Variants in TMEM63A observed in about 807,000 individuals in gnomAD.
TMEM63A encodes the protein mechanosensitive cation channel TMEM63A.
TMEM63A carries 76 observed loss-of-function variants against 100.6 expected under a neutral mutation model. The observed-to-expected ratio is 0.76, with a 90% CI of 0.63 to 0.91. TMEM63A has a LOEUF of 0.91. TMEM63A is among the 40% of genes least tolerant of loss of function. The probability of loss-of-function intolerance (pLI) is 0.00; values close to 1 mark genes in which losing one functional copy is unlikely to be tolerated. For missense variants in TMEM63A, 876 were observed against 1,008.8 expected, an observed-to-expected ratio of 0.87 and a Z score of 1.78; for synonymous variants, 401 against 401.1, an observed-to-expected ratio of 1.00 and a Z score of 0.00.
At chr1:225,859,649 GT>G (rs57486744) in intron 14 of TMEM63A, 9,134 of 264,874 alleles carry the variant, frequency 0.034, no homozygotes, top group South Asian at 0.061. Context: ...TTCTTTTTCT[GT>G]TTTTTTTTTT....
chr1:225,847,205 C>T lies in TMEM63A; in HGVS notation c.2259G>A (p.Val753=), dbSNP rs114637669. Residue 753 remains valine, a synonymous_variant, in exon 24 of 25, where the codon GTG becomes GTA. Coordinates refer to ENST00000366835, the MANE Select transcript of TMEM63A (RefSeq NM_014698.3). ...AHMPPPFTPY[V]PRILNGLASE... ...AGGCCAAGCCGTTCAGAATCCGAGG[C>T]ACGTAGGGCTGTCAGCAAATGGATT... 6.2e-7 allele frequency: 1 copy of T among 1,612,928 alleles called. No individual in the cohort carries two copies. The highest frequency in any genetic ancestry group is 1.3e-5 in the African/African-American group (1 of 75,064).
At chr1:225,842,597 C>T (rs1477472725), downstream of TMEM63A, 1 of 799,906 alleles carries the variant, frequency 1.3e-6, no homozygotes, top group African/African-American at 1.7e-5. Context: ...TGTTGGCTTT[C>T]TTACAAATCC....
downstream of TMEM63A, chr1:225,844,428 T>G: frequency 6.2e-7 from 1 of 1,613,226 alleles, no homozygotes; most frequent in Non-Finnish European, 8.5e-7. Flanking sequence ...TTTGTAGGAC[T>G]TTCTGGCTGC....
intron 17 of TMEM63A, 91 bp downstream of exon 17, chr1:225,856,561 C>T: frequency 7.3e-7 from 1 of 1,363,692 alleles, no homozygotes; most frequent in Non-Finnish European, 1.0e-6. Context: ...AGGTTTGCTT[C>T]TGCTGCCAAA....
chr1:225,871,169 A>T, intron 5 of TMEM63A, 56 bp from the exon 6 acceptor site: 2 of 1,567,966 alleles, frequency 1.3e-6, no homozygotes, highest in Non-Finnish European at 1.8e-6. Flanking sequence ...TGAGAGGCAG[A>T]TGTAACCATT....
At chr1:225,860,470 AAG>A (rs1286215257) in intron 14 of TMEM63A, 2 of 159,716 alleles carry the variant, frequency 1.3e-5, no homozygotes, top group African/African-American at 4.8e-5. Flanking sequence ...AAGTGTGAAA[AAG>A]AGAATGTAAA....
intron 3 of TMEM63A, 90 bp downstream of exon 3, chr1:225,877,305 G>A: frequency 7.0e-7 from 1 of 1,428,570 alleles, no homozygotes; most frequent in Non-Finnish European, 9.4e-7. Context: ...AGCTATGTCT[G>A]ACTTCTCATC....
At chr1:225,844,840 G>A (rs563156454), downstream of TMEM63A, among the ~76,000 whole-genome samples, 24 of 152,252 alleles carry the variant, frequency 1.6e-4, no homozygotes, top group East Asian at 5.8e-4. Flanking sequence ...CCTCAGTACC[G>A]CTCCCCAGTC....
chr1:225,867,105 T>C lies in TMEM63A; in HGVS notation c.566+7A>G. On this transcript the variant is annotated splice_region_variant and intron_variant, in intron 8 of 24. Transcript: ENST00000366835. The surrounding 1 kb of genome is among the most constrained non-coding windows in gnomAD (Gnocchi z 4.6). Reference sequence around the variant, plus strand: ...TCAGCACCTATCCCCACGGGCTCCATACTCACTCAGTCTGTAGGTTTGCTA... The same window carrying C: ...TCAGCACCTATCCCCACGGGCTCCACACTCACTCAGTCTGTAGGTTTGCTA... The C allele has an allele frequency of 1.9e-6, 3 of 1,614,118 alleles. No homozygotes were observed. Among genetic ancestry groups the C allele is most frequent in the Middle Eastern group, 1.6e-4 (1 of 6,062 alleles).
chr1:225,876,355 A>T (rs1478853684), intron 3 of TMEM63A, among the ~76,000 whole-genome samples: 1 of 151,784 alleles, frequency 6.6e-6, no homozygotes. Context: ...ACCCGAGCCT[A>T]GTCTCCAGCT....
chr1:225,879,853 C>T (rs1018584874), intron 1 of TMEM63A, among the ~76,000 whole-genome samples: 3 of 152,216 alleles, frequency 2.0e-5, no homozygotes, highest in South Asian at 2.1e-4. Flanking sequence ...AACACAGCAG[C>T]ATGAACAAGG....
chr1:225,881,675 C>G (rs1182812645), intron 1 of TMEM63A, among the ~76,000 whole-genome samples: 1 of 152,184 alleles, frequency 6.6e-6, no homozygotes, highest in African/African-American at 2.4e-5. Context: ...GAAGAGGACA[C>G]CACCTGCCTG....
At chr1:225,844,651 G>C (rs1668771411), downstream of TMEM63A, 1 of 1,613,120 alleles carries the variant, frequency 6.2e-7, no homozygotes, top group Non-Finnish European at 8.5e-7. Context: ...GAGAACAGGG[G>C]CCTCTGAGGC....
intron 17 of TMEM63A, 101 bp from the exon 18 acceptor site, chr1:225,856,041 G>T: frequency 8.0e-7 from 1 of 1,250,052 alleles, no homozygotes; most frequent in Non-Finnish European, 1.1e-6. Flanking sequence ...GCCAAAGCTC[G>T]AGATTGACTT....
rs563019702 is a variant in TMEM63A, at chr1:225,877,503, C to G, written c.78G>C (p.Arg26=). ...SIREQLGLGD[R]PNDSYCYNSA... Reference sequence around the variant, plus strand: ...AGTTGTAGCAATAGGAGTCGTTGGGCCGGTCCCCGAGTCCCAGCTGCTCCC... The same window carrying G: ...AGTTGTAGCAATAGGAGTCGTTGGGGCGGTCCCCGAGTCCCAGCTGCTCCC... The change falls in exon 3 of 25, where the codon CGG becomes CGC. Residue 26 remains arginine, a synonymous_variant. Coordinates refer to ENST00000366835, the MANE Select transcript of TMEM63A (RefSeq NM_014698.3). The G allele has an allele frequency of 3.1e-6, 5 of 1,614,174 alleles. No homozygotes were observed. Among genetic ancestry groups the G allele is most frequent in the African/African-American group, 2.7e-5 (2 of 75,058 alleles).
At position 225,865,741 on chromosome 1, in the gene TMEM63A, C is replaced by T. The variant is rs536482782; in HGVS notation, c.746+156G>A. 13 of 706,358 alleles carry T rather than the reference C, an allele frequency of 1.8e-5. No individual in the cohort carries two copies. In the East Asian group the frequency reaches 1.9e-4, roughly 10 times the overall value. 43.8% of individuals were successfully genotyped at this position (706,358 alleles called of 1,614,324 possible). On this transcript the variant is annotated intron_variant, in intron 10 of 24. Coordinates refer to ENST00000366835, the MANE Select transcript of TMEM63A (RefSeq NM_014698.3). This position sits in a 1 kb window ranked among gnomAD's most constrained non-coding sequence, Gnocchi z 4.6. ...GCAGGGCTGGCACACAGGAGCCACT[C>T]CATACACGTGTGGCAGGGCCAGGTC...
At position 225,874,274 on chromosome 1, in the gene TMEM63A, C is replaced by T. The variant is rs765018883; in HGVS notation, c.266+14G>A. 6.8e-6 allele frequency: 11 copies of T among 1,612,484 alleles called. No individual in the cohort carries two copies. The African/African-American group carries it at 9.4e-5, about 14-fold the overall frequency. Reference sequence around the variant, plus strand: ...CGCACACGCATGCTCACAGCCTAGGCGATATGTCTTTACCTGTCTGCTTCT... The same window carrying T: ...CGCACACGCATGCTCACAGCCTAGGTGATATGTCTTTACCTGTCTGCTTCT... On this transcript the variant is annotated intron_variant, in intron 4 of 24. Transcript: ENST00000366835.
At chr1:225,874,211 C>A in intron 4 of TMEM63A, 77 bp downstream of exon 4, 5 of 1,375,250 alleles carry the variant, frequency 3.6e-6, no homozygotes, top group Non-Finnish European at 5.1e-6. Context: ...CACACACGCA[C>A]ATATACACAC....
chr1:225,862,788 G>A lies in TMEM63A; in HGVS notation c.810C>T (p.Ile270=). Residue 270 remains isoleucine, a synonymous_variant, in exon 11 of 25, where the codon ATC becomes ATT. Transcript: ENST00000366835. This position sits in a 1 kb window ranked among gnomAD's most constrained non-coding sequence, Gnocchi z 5.1. ...CCACTCACTTCTCCTTGCACAGGTA[G>A]ATCAGTTTGGCCACGTTGTAGCACA... ...VQLCYNVAKL[I]YLCKEKKKTE... The A allele has an allele frequency of 6.2e-7, 1 of 1,614,016 alleles. No homozygotes were observed.
Sources: gnomAD v4.1 joint callset for allele counts (sites outside exome capture counted in the v4.1 genomes callset) on GRCh38, gnomAD v4.1.1 for gene constraint, Gnocchi (gnomAD v3.1) non-coding constraint, MANE v1.5 for transcripts, NCBI Gene and HGNC (gene_info 2026-07-23, HGNC 2026-07-21) for gene names.